Variants in PTPRD observed in about 807,000 individuals in gnomAD.
The protein encoded by PTPRD is receptor-type tyrosine-protein phosphatase delta.
PTPRD carries 34 observed loss-of-function variants against 214.5 expected under a neutral mutation model. The observed-to-expected ratio is 0.16, with a 90% CI of 0.12 to 0.21. The LOEUF (loss-of-function observed/expected upper bound fraction) is 0.21, where lower values mean the gene tolerates loss of function less well. Ranked by LOEUF, PTPRD falls within the 10% of genes least tolerant of loss-of-function variation. The probability of loss-of-function intolerance (pLI) is 1.00; values close to 1 mark genes in which losing one functional copy is unlikely to be tolerated. For synonymous variants in PTPRD, 1,128 were observed against 845.7 expected, an observed-to-expected ratio of 1.33 and a Z score of -5.79; for missense variants, 2,545 against 2,398.7, an observed-to-expected ratio of 1.06 and a Z score of -1.27.
chr9:9,064,899 T>C (rs1157501976), intron 10 of PTPRD, among the ~76,000 whole-genome samples: 1 of 152,090 alleles, frequency 6.6e-6, no homozygotes, highest in East Asian at 1.9e-4. Flanking sequence ...CAATACAATG[T>C]TATCCAATTT....
chr9:9,509,052 T>C (rs2154241250), intron 8 of PTPRD, among the ~76,000 whole-genome samples: 1 of 151,518 alleles, frequency 6.6e-6, no homozygotes, highest in South Asian at 2.1e-4. Flanking sequence ...AAAAATCTTA[T>C]AAATTATTAA....
At position 10,525,396 on chromosome 9, in the gene PTPRD, G is replaced by T. The variant is rs896489495; in HGVS notation, c.-600+87002C>A. Among the ~76,000 whole-genome samples the T allele has an allele frequency of 7.9e-5, 12 of 152,042 alleles. No individual in the cohort carries two copies. The South Asian group carries it at 2.5e-3, about 32-fold the overall frequency. On this transcript the variant is annotated intron_variant, in intron 2 of 45. Transcript: ENST00000381196. ...TGTTGGTATTCTAATCTTGCTCAGAGTACTTTTTCTATACCAAGCCACCCA... is the reference window on the plus strand; with the variant it reads ...TGTTGGTATTCTAATCTTGCTCAGATTACTTTTTCTATACCAAGCCACCCA...
chr9:9,286,519 C>A (rs1949418632), intron 9 of PTPRD, among the ~76,000 whole-genome samples: 1 of 151,708 alleles, frequency 6.6e-6, no homozygotes, highest in South Asian at 2.1e-4. Context: ...GAGTTTTGAA[C>A]ACATTACTTC....
At chr9:8,659,643 G>A (rs1028231960) in intron 12 of PTPRD, among the ~76,000 whole-genome samples, 1 of 152,146 alleles carries the variant, frequency 6.6e-6, no homozygotes, top group African/African-American at 2.4e-5. Flanking sequence ...CCAAGAAGAG[G>A]GTACAGAAGT....
At chr9:8,332,781 G>C (rs959984307) in intron 43 of PTPRD, among the ~76,000 whole-genome samples, 1 of 152,088 alleles carries the variant, frequency 6.6e-6, no homozygotes, top group Non-Finnish European at 1.5e-5. Context: ...CATCAGCAGA[G>C]AGAAATAATC....
intron 8 of PTPRD, among the ~76,000 whole-genome samples, chr9:9,548,385 A>G (rs2079319953): frequency 6.6e-6 from 1 of 150,856 alleles, no homozygotes; most frequent in Non-Finnish European, 1.5e-5. Flanking sequence ...ATTACTTGCT[A>G]CGTATATGTG....
At chr9:8,584,812 A>C (rs1432133894) in intron 14 of PTPRD, among the ~76,000 whole-genome samples, 1 of 152,218 alleles carries the variant, frequency 6.6e-6, no homozygotes, top group South Asian at 2.1e-4. Context: ...ACAGTTCAGA[A>C]TGGCTGGGGA....
chr9:10,269,208 A>G (rs1312292070), intron 3 of PTPRD, among the ~76,000 whole-genome samples: 1 of 152,068 alleles, frequency 6.6e-6, no homozygotes, highest in Non-Finnish European at 1.5e-5. Flanking sequence ...TAAAATAACA[A>G]CTCTTGTAAG....
chr9:9,977,941 G>C (rs201794049), intron 4 of PTPRD, among the ~76,000 whole-genome samples: 1 of 143,520 alleles, frequency 7.0e-6, no homozygotes, highest in South Asian at 2.2e-4. Flanking sequence ...AAAAAAAAAA[G>C]TTATGTGCTT....
At chr9:10,188,553 A>G (rs1204861458) in intron 3 of PTPRD, among the ~76,000 whole-genome samples, 1 of 151,804 alleles carries the variant, frequency 6.6e-6, no homozygotes, top group African/African-American at 2.4e-5. Flanking sequence ...TTCATTTTGT[A>G]TAACACTTAG....
intron 9 of PTPRD, among the ~76,000 whole-genome samples, chr9:9,333,663 G>C (rs1415827270): frequency 6.6e-6 from 1 of 151,442 alleles, no homozygotes; most frequent in Non-Finnish European, 1.5e-5. Flanking sequence ...AACATACCAT[G>C]TAATCTTGAA....
At chr9:9,456,567 C>T (rs114522891) in intron 8 of PTPRD, among the ~76,000 whole-genome samples, 2,554 of 151,878 alleles carry the variant, frequency 0.017, 56 homozygotes, top group African/African-American at 0.057. Context: ...TACTTATATG[C>T]CTCAAGGTCT....
At chr9:9,809,754 A>G (rs2046558995) in intron 5 of PTPRD, among the ~76,000 whole-genome samples, 2 of 152,338 alleles carry the variant, frequency 1.3e-5, no homozygotes, top group South Asian at 4.1e-4. Flanking sequence ...GACATTCAGA[A>G]TGTGTCTGAC....
At chr9:9,554,164 G>A (rs756972017) in intron 8 of PTPRD, among the ~76,000 whole-genome samples, 2 of 152,068 alleles carry the variant, frequency 1.3e-5, no homozygotes, top group African/African-American at 4.8e-5. Flanking sequence ...CTCAACCACT[G>A]GTTCATGTGG....
chr9:10,515,842 C>T (rs929682735), intron 2 of PTPRD, among the ~76,000 whole-genome samples: 3 of 151,914 alleles, frequency 2.0e-5, no homozygotes, highest in Admixed American at 6.6e-5. Context: ...ATTTGTCCTT[C>T]GTTGACTGTC....
intron 11 of PTPRD, among the ~76,000 whole-genome samples, chr9:8,741,566 C>CTTTTTT (rs66547770): frequency 0.013 from 916 of 70,610 alleles, 52 homozygotes; most frequent in Non-Finnish European, 0.015. Flanking sequence ...TCAGGCATTT[C>CTTTTTT]TTTTTTTTTT....
chr9:8,316,751 G>A lies in PTPRD; in HGVS notation c.*1123C>T, dbSNP rs558685980. On this transcript the variant is annotated 3_prime_UTR_variant, in exon 46 of 46. Transcript: ENST00000381196. Reference sequence around the variant, plus strand: ...GGGTAGATTAGGTAGGAAATCAGGGGGTGAGGTTTGACAATCAATCACTGA... The same window carrying A: ...GGGTAGATTAGGTAGGAAATCAGGGAGTGAGGTTTGACAATCAATCACTGA... The A allele has an allele frequency of 1.3e-5, 3 of 230,506 alleles. No homozygotes were observed. Among genetic ancestry groups the A allele is most frequent in the Non-Finnish European group, 2.6e-5 (3 of 116,594 alleles). The allele number at this position is 230,506 out of a possible 1,614,324, so 14.3% of individuals were successfully genotyped here.
At chr9:8,411,072 C>T (rs1007790146) in intron 35 of PTPRD, among the ~76,000 whole-genome samples, 2 of 151,850 alleles carry the variant, frequency 1.3e-5, no homozygotes, top group Non-Finnish European at 2.9e-5. Flanking sequence ...TGAAAAACAA[C>T]AACAAAACCA....
At chr9:8,511,235 A>AT (rs2097674463) in intron 21 of PTPRD, among the ~76,000 whole-genome samples, 4 of 151,934 alleles carry the variant, frequency 2.6e-5, no homozygotes, top group African/African-American at 7.3e-5. Context: ...CACCCGGCTA[A>AT]TTTTTTAATG....
Sources: allele counts gnomAD v4.1 joint callset (sites outside exome capture counted in the v4.1 genomes callset), GRCh38; gene constraint gnomAD v4.1.1; transcripts MANE v1.5; gene names NCBI Gene and HGNC (gene_info 2026-07-23, HGNC 2026-07-21).